UBIAD1: variants seen among roughly 807,000 people sequenced by gnomAD.
UBIAD1 encodes the protein UbiA prenyltransferase domain containing 1.
A neutral mutation model predicts 20.1 loss-of-function variants in UBIAD1; 12 were observed. The observed-to-expected ratio is 0.60, with a 90% confidence interval of 0.38 to 0.97. UBIAD1 has a LOEUF of 0.97. Among genes scored for constraint, UBIAD1 ranks in the 50% least tolerant of loss-of-function variants. The pLI is 0.00. For synonymous variants in UBIAD1, 207 were observed against 189.2 expected (o/e 1.09, Z -0.77); for missense variants, 333 against 419.5 (o/e 0.79, Z 1.80).
downstream of UBIAD1, among the ~76,000 whole-genome samples, chr1:11,292,928 G>A (rs1238508276): frequency 3.9e-5 from 6 of 152,144 alleles, no homozygotes; most frequent in Admixed American, 3.3e-4. Flanking sequence ...TTCAAACTGG[G>A]ACAGCCCTCC....
chr1:11,281,359 T>G (rs1652236234), intron 1 of UBIAD1, among the ~76,000 whole-genome samples: 1 of 152,142 alleles, frequency 6.6e-6, no homozygotes, highest in Admixed American at 6.6e-5. Flanking sequence ...ATTGGTTAAT[T>G]ATCTTCCCCC....
chr1:11,297,273 C>G (rs1427910473), downstream of UBIAD1, among the ~76,000 whole-genome samples: 1 of 152,128 alleles, frequency 6.6e-6, no homozygotes, highest in Non-Finnish European at 1.5e-5. Flanking sequence ...AGTATTAGTG[C>G]CCTGATCAAA....
chr1:11,277,049 C>T (rs569626281), intron 1 of UBIAD1, among the ~76,000 whole-genome samples: 2 of 151,994 alleles, frequency 1.3e-5, no homozygotes, highest in Non-Finnish European at 2.9e-5. Flanking sequence ...CCAGCCTGGC[C>T]AGCATGGTGA....
intron 1 of UBIAD1, among the ~76,000 whole-genome samples, chr1:11,277,583 T>C (rs1227989928): frequency 6.6e-6 from 1 of 152,130 alleles, no homozygotes; most frequent in African/African-American, 2.4e-5. Context: ...CAATACCTGC[T>C]ACTTTTTAAA....
downstream of UBIAD1, among the ~76,000 whole-genome samples, chr1:11,291,867 G>A (rs1176675012): frequency 6.6e-6 from 1 of 152,110 alleles, no homozygotes; most frequent in Non-Finnish European, 1.5e-5. Flanking sequence ...GCTGTCTTCG[G>A]GAAGACGGGT....
downstream of UBIAD1, among the ~76,000 whole-genome samples, chr1:11,292,668 T>TAC (rs71568319): frequency 0.058 from 8,153 of 140,634 alleles, 254 homozygotes; most frequent in East Asian, 0.099. Context: ...ATTTTATGTA[T>TAC]ACACACACAC....
chr1:11,293,507 G>A (rs1229958695), intron 1 of UBIAD1: 1 of 152,242 alleles, frequency 6.6e-6, no homozygotes, highest in Non-Finnish European at 1.5e-5. Flanking sequence ...CAACAGAGCA[G>A]GCAGTCAGTA....
chr1:11,297,781 C>T (rs1638470794), downstream of UBIAD1, among the ~76,000 whole-genome samples: 1 of 152,166 alleles, frequency 6.6e-6, no homozygotes, highest in Non-Finnish European at 1.5e-5. Context: ...GGTGGTCTTA[C>T]ATGTGGCTGT....
chr1:11,282,158 C>G (rs553199147), intron 1 of UBIAD1, among the ~76,000 whole-genome samples: 101 of 152,156 alleles, frequency 6.6e-4, no homozygotes, highest in Non-Finnish European at 1.3e-3. Context: ...TTATGAGAAA[C>G]TGCCAAACTG....
rs1374273252 is a variant in UBIAD1, at chr1:11,286,276, TTAAAGA to T, written c.*149_*154del. ...CCTTATAAAAATTGTTTTTGTGTTCTTAAAGATAATATGTTGTTTTTCTGTTTTTTG... is the reference window on the plus strand; with the variant it reads ...CCTTATAAAAATTGTTTTTGTGTTCTTAATATGTTGTTTTTCTGTTTTTTG... On this transcript the variant is annotated 3_prime_UTR_variant, in exon 2 of 2. Transcript: ENST00000376810. 6 of 1,041,770 alleles carry T rather than the reference TTAAAGA, an allele frequency of 5.8e-6. No individual in the cohort carries two copies. The Middle Eastern group carries it at 8.2e-4, about 142-fold the overall frequency. The allele number at this position is 1,041,770 out of a possible 1,614,324, so 64.5% of individuals were successfully genotyped here.
rs1651884997 is a variant in UBIAD1 at position 11,273,858 on chromosome 1, G to A, written c.327G>A (p.Lys109=). ...NLVNTYYDFS[K]GIDHKKSDDR... is the part of the protein sequence containing the mutation. ...TCAACACTTACTATGACTTTTCCAA[G>A]GGCATTGACCACAAAAAGAGTGATG... is the stretch of plus-strand genomic sequence containing the variant. The change falls in exon 1 of 2, where the codon AAG becomes AAA. Residue 109 remains lysine (K), a synonymous_variant. Coordinates refer to ENST00000376810, the MANE Select transcript of UBIAD1 (RefSeq NM_013319.3). The surrounding 1 kb of genome is among the most constrained non-coding windows in gnomAD (Gnocchi z 4.9). 6.2e-7 allele frequency: 1 copy of A among 1,614,076 alleles called. No individual in the cohort carries two copies. The highest frequency in any genetic ancestry group is 1.3e-5 in the African/African-American group (1 of 74,916).
rs555575242 is a variant in UBIAD1, at chr1:11,273,463, T to A, written c.-69T>A. 1 of 1,594,764 alleles carries A rather than the reference T, an allele frequency of 6.3e-7. No homozygotes were observed. The highest frequency in any genetic ancestry group is 1.3e-5 in the African/African-American group (1 of 74,754). On this transcript the variant is annotated 5_prime_UTR_variant, in exon 1 of 2. Coordinates refer to ENST00000376810, the MANE Select transcript of UBIAD1 (RefSeq NM_013319.3). This position sits in a 1 kb window ranked among gnomAD's most constrained non-coding sequence, Gnocchi z 4.9. ...CGGGCCCTGCTGCCCCGCCCCGTCC[T>A]TCCTCCTTCCCGGGCGGTCACTGTG...
chr1:11,278,722 T>TC, intron 1 of UBIAD1: 1 of 967,146 alleles, frequency 1.0e-6, no homozygotes. Flanking sequence ...ATGAATTTTG[T>TC]CATTTTGCTA....
At chr1:11,278,683 T>C (rs1291172135) in intron 1 of UBIAD1, 31 of 1,379,650 alleles carry the variant, frequency 2.2e-5, no homozygotes, top group Non-Finnish European at 2.9e-5. Context: ...TTAGACGTCT[T>C]AGCTCCTGAA....
chr1:11,294,798 G>A (rs923649257), intron 1 of UBIAD1: 40 of 717,250 alleles, frequency 5.6e-5, no homozygotes, highest in African/African-American at 1.6e-4. Context: ...TGATGGAGGC[G>A]AAGGTTCAGT....
In UBIAD1 at chr1:11,286,193, C is replaced by T. The variant is rs1484711384; in HGVS notation, c.*62C>T. On this transcript the variant is annotated 3_prime_UTR_variant, in exon 2 of 2. Transcript: ENST00000376810. ...TCTTAGAATATATTAAAGTCAGAGT[C>T]TCTGAGGAAGGAATGTGATTTGGCA... 12 of 1,607,414 alleles carry T rather than the reference C, an allele frequency of 7.5e-6. No homozygotes were observed. The East Asian group carries it at 2.2e-4, about 30-fold the overall frequency.
Position 11,273,444 on chromosome 1 carries a change from C to G in UBIAD1, c.-88C>G. 1 of 1,552,968 alleles carries G rather than the reference C, an allele frequency of 6.4e-7. No homozygotes were observed. The highest frequency in any genetic ancestry group is 8.8e-7 in the Non-Finnish European group (1 of 1,138,218). On this transcript the variant is annotated 5_prime_UTR_variant, in exon 1 of 2. Coordinates refer to ENST00000376810, the MANE Select transcript of UBIAD1 (RefSeq NM_013319.3). The surrounding 1 kb of genome is among the most constrained non-coding windows in gnomAD (Gnocchi z 4.9). ...GGCGGAACCGAAGGAAGGTCGGGCC[C>G]TGCTGCCCCGCCCCGTCCTTCCTCC...
chr1:11,292,696 C>G (rs1638386515), downstream of UBIAD1, among the ~76,000 whole-genome samples: 1 of 151,764 alleles, frequency 6.6e-6, no homozygotes, highest in Non-Finnish European at 1.5e-5. Flanking sequence ...CACACACACA[C>G]ACACACACAC....
At chr1:11,282,734 T>C (rs1652283899) in intron 1 of UBIAD1, among the ~76,000 whole-genome samples, 1 of 150,224 alleles carries the variant, frequency 6.7e-6, no homozygotes, top group East Asian at 2.0e-4. Context: ...GGCTAATTTT[T>C]TTTTGTATTT....
Sources: gnomAD v4.1 joint callset for allele counts (sites outside exome capture counted in the v4.1 genomes callset) on GRCh38, gnomAD v4.1.1 for gene constraint, Gnocchi (gnomAD v3.1) non-coding constraint, MANE v1.5 for transcripts, NCBI Gene and HGNC (gene_info 2026-07-23, HGNC 2026-07-21) for gene names.